CSDE1: variants seen among roughly 807,000 people sequenced by gnomAD.
The protein encoded by CSDE1 is cold shock domain-containing protein E1.
Under a neutral mutation model 89.3 loss-of-function variants are expected in CSDE1, and 17 were observed. That is an observed-to-expected ratio of 0.19 (90% CI 0.13 to 0.29). CSDE1 has a LOEUF of 0.29. Among genes scored for constraint, CSDE1 ranks in the 10% least tolerant of loss-of-function variants. The pLI, the probability that CSDE1 is intolerant of heterozygous loss-of-function variation, is 1.00. For synonymous variants in CSDE1, 322 were observed against 332.8 expected (o/e 0.97, Z 0.35); for missense variants, 672 against 984.2 (o/e 0.68, Z 4.24).
At chr1:114,738,660 A>AATT in intron 3 of CSDE1, among the ~76,000 whole-genome samples, 1 of 118,848 alleles carries the variant, frequency 8.4e-6, no homozygotes, top group African/African-American at 3.5e-5. Flanking sequence ...ACATGTAAAA[A>AATT]CTTTTTTTTT....
chr1:114,737,378 T>C (rs549456471), intron 5 of CSDE1, 93 bp downstream of exon 5: 10 of 1,027,272 alleles, frequency 9.7e-6, no homozygotes, highest in Admixed American at 2.4e-5. Flanking sequence ...ATTTTAACAA[T>C]TGCAGCTTAC....
At chr1:114,732,901 C>T (rs546047246) in intron 9 of CSDE1, 85 bp from the exon 10 acceptor site, 2 of 1,190,062 alleles carry the variant, frequency 1.7e-6, no homozygotes, top group East Asian at 2.3e-5. Context: ...ATAGTAAACC[C>T]ATGTTATTTT....
At position 114,739,835 on chromosome 1, in the gene CSDE1, C is replaced by A. The variant is rs905898014; in HGVS notation, c.56G>T (p.Gly19Val). 6.2e-7 allele frequency: 1 copy of A among 1,614,030 alleles called. No individual in the cohort carries two copies. Among genetic ancestry groups the A allele is most frequent in the Non-Finnish European group, 8.5e-7 (1 of 1,179,952 alleles). ...AGTTTCACGCAGTGCTGCTGAAGTA[C>A]CATTAGGGTACCCATTATGTCCATT... ...HNNGHNGYPN[G>V]TSAALRETGV... Residue 19 changes from glycine (G) to valine (V), a missense_variant, in exon 3 of 20, where the codon GGT (glycine) becomes GTT (valine). Around this residue, in one of 8 missense-constraint regions of CSDE1, gnomAD observed 26 missense variants for 24.3 expected, o/e 1.07. Transcript: ENST00000358528.
At position 114,737,555 on chromosome 1, in the gene CSDE1, G is replaced by A. The variant is rs1490076489; in HGVS notation, c.318C>T (p.Cys106=). 3.7e-6 allele frequency: 6 copies of A among 1,612,586 alleles called. No homozygotes were observed. Among genetic ancestry groups the A allele is most frequent in the Middle Eastern group, 1.6e-4 (1 of 6,062 alleles). Residue 106 remains cysteine (C), a synonymous_variant, in exon 5 of 20, where the codon TGC becomes TGT. Transcript: ENST00000358528. ...TACTCTCTAAGTTGTGAGGAACAGC[G>A]CACACAACCTACCAGTCAAAAAAAA... is the stretch of plus-strand genomic sequence containing the variant. ...PEERMNGQVV[C]AVPHNLESKS...
chr1:114,731,757 A>G (rs1198960751), intron 10 of CSDE1, among the ~76,000 whole-genome samples: 1 of 152,208 alleles, frequency 6.6e-6, no homozygotes, highest in Non-Finnish European at 1.5e-5. Context: ...GGCCTAGGAC[A>G]GCTCTGAATG....
chr1:114,737,183 G>C (rs1046655072), intron 5 of CSDE1, among the ~76,000 whole-genome samples: 4 of 151,870 alleles, frequency 2.6e-5, no homozygotes, highest in African/African-American at 9.7e-5. Flanking sequence ...GTGCTTAAAA[G>C]AAACCAGAAA....
intron 2 of CSDE1, chr1:114,741,692 A>G (rs1052070422): frequency 7.3e-6 from 11 of 1,505,564 alleles, no homozygotes; most frequent in South Asian, 2.7e-5. Context: ...ACATAGCATA[A>G]TGTTGATAAC....
At chr1:114,719,971 A>G (rs139575269) in intron 17 of CSDE1, among the ~76,000 whole-genome samples, 196 of 152,346 alleles carry the variant, frequency 1.3e-3, no homozygotes, top group African/African-American at 4.6e-3. Flanking sequence ...GTTCCTTCGT[A>G]TATTATGAAC....
intron 5 of CSDE1, among the ~76,000 whole-genome samples, chr1:114,737,214 C>G (rs1660453291): frequency 1.3e-5 from 2 of 151,956 alleles, no homozygotes; most frequent in African/African-American, 4.8e-5. Flanking sequence ...CCACAACCCC[C>G]AAAAAAGTGA....
intron 15 of CSDE1, 105 bp from the exon 16 acceptor site, chr1:114,724,107 G>T: frequency 1.6e-6 from 2 of 1,288,710 alleles, no homozygotes; most frequent in Non-Finnish European, 2.1e-6. Context: ...GGGTAGGTTG[G>T]CTGGCTGCTA....
intron 2 of CSDE1, among the ~76,000 whole-genome samples, chr1:114,745,240 G>A (rs1172787080): frequency 6.6e-6 from 1 of 152,054 alleles, no homozygotes; most frequent in Non-Finnish European, 1.5e-5. Flanking sequence ...GCTCTCCTGG[G>A]GAAATCTGAA....
chr1:114,724,048 A>C (rs371086760), intron 15 of CSDE1, 46 bp from the exon 16 acceptor site: 6 of 1,577,814 alleles, frequency 3.8e-6, no homozygotes, highest in Non-Finnish European at 5.2e-6. Context: ...TTTCATCTCT[A>C]CTACATAGAA....
chr1:114,738,989 T>C lies in CSDE1; in HGVS notation c.199+703A>G, dbSNP rs192519827. Among the ~76,000 whole-genome samples the C allele has an allele frequency of 2.4e-3, 369 of 151,212 alleles. 2 individuals are homozygous for C. Among genetic ancestry groups the C allele is most frequent in the Non-Finnish European group, 4.3e-3 (289 of 67,776 alleles). On this transcript the variant is annotated intron_variant, in intron 3 of 19. Coordinates refer to ENST00000358528, the MANE Select transcript of CSDE1 (RefSeq NM_001007553.3). ...CACCATGCCAGGCCTGTGAAATAAT[T>C]TGTATGGTGTCAGCCACAATGAATT...
chr1:114,726,521 T>A, intron 13 of CSDE1, 135 bp from the exon 14 acceptor site: 1 of 666,994 alleles, frequency 1.5e-6, no homozygotes, highest in Non-Finnish European at 2.3e-6. Context: ...TCAATGAAAT[T>A]GATTTTCACC....
intron 7 of CSDE1, 93 bp from the exon 8 acceptor site, chr1:114,734,210 G>A: frequency 7.3e-7 from 1 of 1,374,150 alleles, no homozygotes; most frequent in Non-Finnish European, 9.9e-7. Flanking sequence ...AAATTATACT[G>A]TAGTCACAAT....
In CSDE1 at chr1:114,719,694, G is replaced by A; in HGVS notation, c.2101C>T (p.His701Tyr). ...ATGCCATCCTGAACTTCTTTCACAT[G>A]GAAAAAGAGCTTCTTGCTATCTCCT... The part of the protein sequence containing the change: ...EVGDSKKLFF[H>Y]VKEVQDGIEL... Residue 701 changes from histidine to tyrosine, a missense_variant, in exon 18 of 20, where the codon CAT (histidine) becomes TAT (tyrosine). Coordinates refer to ENST00000358528, the MANE Select transcript of CSDE1 (RefSeq NM_001007553.3). 6.2e-7 allele frequency: 1 copy of A among 1,613,564 alleles called. No homozygotes were observed.
At chr1:114,742,312 C>T (rs769782989) in intron 2 of CSDE1, among the ~76,000 whole-genome samples, 5 of 152,030 alleles carry the variant, frequency 3.3e-5, no homozygotes, top group Non-Finnish European at 7.4e-5. Context: ...CAAATGAGGC[C>T]GGATGCAGTG....
chr1:114,726,953 C>A (rs764684318), intron 13 of CSDE1, 30 bp downstream of exon 13: 2 of 1,418,518 alleles, frequency 1.4e-6, no homozygotes, highest in African/African-American at 1.4e-5. Context: ...CAACTCTTAA[C>A]CCTCTCTCGA....
chr1:114,754,433 C>T (rs1661480349), intron 1 of CSDE1, among the ~76,000 whole-genome samples: 1 of 152,188 alleles, frequency 6.6e-6, no homozygotes, highest in Non-Finnish European at 1.5e-5. Flanking sequence ...TATCACACTA[C>T]CTAGTTTATT....
Sources: gnomAD v4.1 joint callset for allele counts (sites outside exome capture counted in the v4.1 genomes callset) on GRCh38, gnomAD v4.1.1 for gene constraint, gnomAD v4.1.1 regional missense constraint, MANE v1.5 for transcripts, NCBI Gene and HGNC (gene_info 2026-07-23, HGNC 2026-07-21) for gene names.